Variants in TMEM132D observed in about 807,000 individuals in gnomAD.
TMEM132D encodes the protein mature OL transmembrane protein.
Under a neutral mutation model 62.3 loss-of-function variants are expected in TMEM132D, and 21 were observed. The observed-to-expected ratio is 0.34, with a 90% confidence interval of 0.24 to 0.49. The LOEUF is 0.49. Among genes scored for constraint, TMEM132D ranks in the 20% least tolerant of loss-of-function variants. The pLI is 0.99. For synonymous variants in TMEM132D, 621 were observed against 575.6 expected (o/e 1.08, Z -1.13); for missense variants, 1,346 against 1,402.8 (o/e 0.96, Z 0.65).
At chr12:129,563,763 C>T (rs1593067463) in intron 2 of TMEM132D, among the ~76,000 whole-genome samples, 1 of 152,010 alleles carries the variant, frequency 6.6e-6, no homozygotes, top group Admixed American at 6.6e-5. Flanking sequence ...CACAGACAGA[C>T]ATTCAACCCA....
chr12:129,100,574 G>A (rs1683712780), intron 5 of TMEM132D, among the ~76,000 whole-genome samples: 1 of 152,180 alleles, frequency 6.6e-6, no homozygotes, highest in Admixed American at 6.5e-5. Context: ...CAAAGTTACT[G>A]TAAAAAATCA....
intron 3 of TMEM132D, among the ~76,000 whole-genome samples, chr12:129,422,209 CA>C (rs1269181613): frequency 2.0e-5 from 3 of 151,118 alleles, no homozygotes; most frequent in Admixed American, 6.6e-5. Context: ...AAGCAAGAGA[CA>C]AAAAAAGAAT....
At chr12:129,620,741 T>C (rs1879043267) in intron 2 of TMEM132D, among the ~76,000 whole-genome samples, 1 of 152,122 alleles carries the variant, frequency 6.6e-6, no homozygotes, top group African/African-American at 2.4e-5. Flanking sequence ...AAACACCACA[T>C]GTTCTCACTT....
chr12:129,758,544 A>T (rs573503745), intron 1 of TMEM132D, among the ~76,000 whole-genome samples: 1 of 152,212 alleles, frequency 6.6e-6, no homozygotes, highest in South Asian at 2.1e-4. Context: ...TATTCCCAAG[A>T]GTATTCCAAA....
intron 5 of TMEM132D, chr12:129,085,093 C>A: frequency 3.4e-6 from 1 of 292,798 alleles, no homozygotes; most frequent in African/African-American, 2.2e-5. Context: ...TGCCCAGTGA[C>A]TACCTGGTGG....
chr12:129,220,705 C>T (rs1227835689), intron 4 of TMEM132D, among the ~76,000 whole-genome samples: 1 of 152,150 alleles, frequency 6.6e-6, no homozygotes, highest in Non-Finnish European at 1.5e-5. Context: ...AGAAATGGTA[C>T]CTTGTAAGAT....
chr12:129,542,878 TGTTACA>T (rs1876621737), intron 2 of TMEM132D, among the ~76,000 whole-genome samples: 2 of 152,072 alleles, frequency 1.3e-5, no homozygotes, highest in Admixed American at 1.3e-4. Flanking sequence ...TTTACCATTG[TGTTACA>T]GTTACCTATA....
chr12:129,318,527 T>C (rs371513613), intron 4 of TMEM132D, among the ~76,000 whole-genome samples: 63 of 152,210 alleles, frequency 4.1e-4, no homozygotes, highest in African/African-American at 1.4e-3. Context: ...TGGATAACAG[T>C]GGCTGTTCCA....
intron 3 of TMEM132D, among the ~76,000 whole-genome samples, chr12:129,430,612 C>G (rs1235962503): frequency 6.6e-6 from 1 of 152,138 alleles, no homozygotes; most frequent in African/African-American, 2.4e-5. Context: ...CAGTTCTACT[C>G]TTTAACTAGT....
At chr12:129,713,351 G>A (rs963419693) in intron 1 of TMEM132D, among the ~76,000 whole-genome samples, 3 of 151,680 alleles carry the variant, frequency 2.0e-5, no homozygotes, top group Admixed American at 6.6e-5. Context: ...GCAGAAGAAT[G>A]TTTTTGTTGC....
intron 3 of TMEM132D, among the ~76,000 whole-genome samples, chr12:129,475,844 C>T (rs1874240421): frequency 1.3e-5 from 2 of 152,216 alleles, no homozygotes; most frequent in South Asian, 4.1e-4. Flanking sequence ...AGTTGAACAA[C>T]TTTTGAAAAA....
chr12:129,313,704 C>G (rs1262199078), intron 4 of TMEM132D, among the ~76,000 whole-genome samples: 1 of 152,118 alleles, frequency 6.6e-6, no homozygotes. Context: ...ATAATGACTT[C>G]TTTTCCTCTG....
intron 2 of TMEM132D, among the ~76,000 whole-genome samples, chr12:129,696,968 T>C (rs4759996): frequency 0.27 from 41,707 of 152,084 alleles, 6,845 homozygotes; most frequent in Non-Finnish European, 0.37. Flanking sequence ...GGTTTTCTTG[T>C]TCTTAAAGAG....
intron 5 of TMEM132D, among the ~76,000 whole-genome samples, chr12:129,130,097 T>G (rs1876330953): frequency 6.6e-6 from 1 of 150,600 alleles, no homozygotes; most frequent in Non-Finnish European, 1.5e-5. Context: ...GCTGAGGTAT[T>G]TATTGACCAC....
At chr12:129,408,862 C>T (rs571145609) in intron 3 of TMEM132D, among the ~76,000 whole-genome samples, 1 of 152,286 alleles carries the variant, frequency 6.6e-6, no homozygotes, top group South Asian at 2.1e-4. Flanking sequence ...TGCTGCAATA[C>T]TTTTTAAGGA....
At chr12:129,444,610 C>T (rs766927751) in intron 3 of TMEM132D, among the ~76,000 whole-genome samples, 1 of 152,164 alleles carries the variant, frequency 6.6e-6, no homozygotes, top group African/African-American at 2.4e-5. Flanking sequence ...ATGCTCTCCC[C>T]CTCCCCACCC....
intron 1 of TMEM132D, among the ~76,000 whole-genome samples, chr12:129,901,231 G>A (rs935864145): frequency 6.6e-6 from 1 of 152,194 alleles, no homozygotes; most frequent in African/African-American, 2.4e-5. Flanking sequence ...GTCCATACTT[G>A]ATTGCAAGAT....
At chr12:129,790,717 G>C (rs972444432) in intron 1 of TMEM132D, among the ~76,000 whole-genome samples, 2 of 152,172 alleles carry the variant, frequency 1.3e-5, no homozygotes, top group Non-Finnish European at 2.9e-5. Context: ...CATGGTATAA[G>C]GCTTTTTGGC....
Position 129,314,621 on chromosome 12 carries a change from A to G in TMEM132D, c.1299+23013T>C, listed in dbSNP as rs558872091. On this transcript the variant is annotated intron_variant, in intron 4 of 8. Transcript: ENST00000422113. Reference sequence around the variant, plus strand: ...TATCCAGGCTCTTTCTTGATTCCATATGAATTTTAGAATTGTTTTTTCTAA... The same window carrying G: ...TATCCAGGCTCTTTCTTGATTCCATGTGAATTTTAGAATTGTTTTTTCTAA... Among the ~76,000 whole-genome samples the G allele has an allele frequency of 3.9e-5, 6 of 152,292 alleles. No individual in the cohort carries two copies. In the East Asian group the frequency reaches 1.2e-3, roughly 29 times the overall value.
Sources: allele counts gnomAD v4.1 joint callset (sites outside exome capture counted in the v4.1 genomes callset), GRCh38; gene constraint gnomAD v4.1.1; transcripts MANE v1.5; gene names NCBI Gene and HGNC (gene_info 2026-07-23, HGNC 2026-07-21).